Variants in CTNNA2 observed in about 807,000 individuals in gnomAD.
The protein encoded by CTNNA2 is catenin alpha 2, also known as catenin alpha-2.
A neutral mutation model predicts 101.0 loss-of-function variants in CTNNA2; 42 were observed. That is an observed-to-expected ratio of 0.42 (90% CI 0.32 to 0.54). The LOEUF (loss-of-function observed/expected upper bound fraction) is 0.54. Ranked by LOEUF, CTNNA2 falls within the 20% of genes least tolerant of loss-of-function variation. CTNNA2 has a pLI of 0.14. For missense variants in CTNNA2, 871 were observed against 1,223.1 expected, an observed-to-expected ratio of 0.71 and a Z score of 4.29; for synonymous variants, 450 against 456.4, an observed-to-expected ratio of 0.99 and a Z score of 0.18.
chr2:80,266,303 G>A (rs1672996640), intron 7 of CTNNA2, among the ~76,000 whole-genome samples: 1 of 152,234 alleles, frequency 6.6e-6, no homozygotes, highest in South Asian at 2.1e-4. Context: ...GAGGCTGGGT[G>A]GGCACACAGA....
intron 7 of CTNNA2, among the ~76,000 whole-genome samples, chr2:80,030,273 T>C (rs1196219653): frequency 1.3e-5 from 2 of 151,902 alleles, no homozygotes; most frequent in Non-Finnish European, 2.9e-5. Flanking sequence ...AACTGCTAAG[T>C]GTCTCTTAGA....
At chr2:80,029,677 T>G (rs536315917) in intron 7 of CTNNA2, among the ~76,000 whole-genome samples, 1 of 143,826 alleles carries the variant, frequency 7.0e-6, no homozygotes, top group African/African-American at 2.6e-5. Flanking sequence ...ATTCACAAAC[T>G]AAGATTTGTT....
chr2:79,689,461 C>T (rs929127590), intron 2 of CTNNA2, among the ~76,000 whole-genome samples: 2 of 151,958 alleles, frequency 1.3e-5, no homozygotes, highest in Non-Finnish European at 2.9e-5. Flanking sequence ...CATTAAGATG[C>T]CATGTTCCTT....
At chr2:80,520,069 C>A (rs1157628324) in intron 9 of CTNNA2, among the ~76,000 whole-genome samples, 1 of 152,104 alleles carries the variant, frequency 6.6e-6, no homozygotes, top group Non-Finnish European at 1.5e-5. Context: ...CCCTGTGTTT[C>A]CCTGATTTCC....
chr2:79,663,280 G>A (rs1025916702), intron 2 of CTNNA2, among the ~76,000 whole-genome samples: 1 of 152,060 alleles, frequency 6.6e-6, no homozygotes, highest in Non-Finnish European at 1.5e-5. Context: ...TCTCTATTCG[G>A]CAACCAGAGT....
intron 7 of CTNNA2, among the ~76,000 whole-genome samples, chr2:80,354,425 A>G (rs1673590603): frequency 6.6e-6 from 1 of 152,138 alleles, no homozygotes; most frequent in Non-Finnish European, 1.5e-5. Context: ...ACTAGAAAAG[A>G]GCATGAGTCA....
intron 1 of CTNNA2, among the ~76,000 whole-genome samples, chr2:79,531,874 G>T (rs187227177): frequency 2.6e-5 from 4 of 152,182 alleles, no homozygotes; most frequent in Non-Finnish European, 4.4e-5. Context: ...CAGAGACGGG[G>T]TTTCACCATG....
chr2:80,266,368 G>A (rs1001296300), intron 7 of CTNNA2, among the ~76,000 whole-genome samples: 1 of 152,236 alleles, frequency 6.6e-6, no homozygotes, highest in Middle Eastern at 3.2e-3. Flanking sequence ...AGAGTCCTAT[G>A]TAGAGCACCA....
chr2:79,650,069 C>T (rs4146025), intron 1 of CTNNA2, among the ~76,000 whole-genome samples: 7,840 of 149,512 alleles, frequency 0.052, 313 homozygotes, highest in East Asian at 0.21. Context: ...CATTCAGATT[C>T]GGTTTGTACA....
intron 18 of CTNNA2, among the ~76,000 whole-genome samples, chr2:80,642,376 G>GTTTGTGTCTATTTTTCTCATTGTAT (rs1673586785): frequency 6.6e-6 from 1 of 152,212 alleles, no homozygotes. Flanking sequence ...AAAACCTTTA[G>GTTTGTGTCTATTTTTCTCATTGTAT]TTTGTGTCTA....
chr2:79,526,755 G>A (rs1238822437), intron 1 of CTNNA2, among the ~76,000 whole-genome samples: 1 of 152,108 alleles, frequency 6.6e-6, no homozygotes, highest in Non-Finnish European at 1.5e-5. Context: ...AAATGGTGCT[G>A]AGACAACTGA....
chr2:80,529,009 C>A (rs1690287104), intron 9 of CTNNA2, among the ~76,000 whole-genome samples: 1 of 152,118 alleles, frequency 6.6e-6, no homozygotes, highest in Admixed American at 6.5e-5. Context: ...AAGAACACAA[C>A]CAGAAAGGAA....
At chr2:80,012,167 C>T (rs187918326) in intron 7 of CTNNA2, among the ~76,000 whole-genome samples, 10 of 152,146 alleles carry the variant, frequency 6.6e-5, no homozygotes, top group East Asian at 5.8e-4. Flanking sequence ...TCATTGCCTA[C>T]GACGGTGCCA....
At chr2:79,981,791 T>G (rs1296080509) in intron 7 of CTNNA2, among the ~76,000 whole-genome samples, 1 of 152,118 alleles carries the variant, frequency 6.6e-6, no homozygotes, top group Non-Finnish European at 1.5e-5. Context: ...GATTTTTAAG[T>G]GTAAATACCT....
intron 2 of CTNNA2, among the ~76,000 whole-genome samples, chr2:79,198,859 T>C (rs1166487423): frequency 7.2e-6 from 1 of 139,070 alleles, no homozygotes; most frequent in African/African-American, 2.6e-5. Flanking sequence ...TACAGAGATA[T>C]AAAAAGATTA....
At chr2:80,106,582 CTAGTCTCTTACT>C (rs1700903428) in intron 7 of CTNNA2, among the ~76,000 whole-genome samples, 2 of 152,276 alleles carry the variant, frequency 1.3e-5, no homozygotes, top group Admixed American at 1.3e-4. Context: ...TAGCTCTTTC[CTAGTCTCTTACT>C]ATCCTCGTTC....
At chr2:80,378,251 G>T (rs1223562056) in intron 7 of CTNNA2, among the ~76,000 whole-genome samples, 5 of 152,056 alleles carry the variant, frequency 3.3e-5, no homozygotes, top group African/African-American at 1.2e-4. Context: ...AGCTACTTGG[G>T]AGGCTGAGGC....
intron 13 of CTNNA2, among the ~76,000 whole-genome samples, chr2:80,578,733 T>A (rs62150758): frequency 0.11 from 16,326 of 152,212 alleles, 1,936 homozygotes; most frequent in African/African-American, 0.29. Flanking sequence ...CATCACTTGC[T>A]AGGTGTGATG....
chr2:79,685,468 A>G (rs1452395716), intron 2 of CTNNA2, among the ~76,000 whole-genome samples: 2 of 152,170 alleles, frequency 1.3e-5, no homozygotes, highest in Non-Finnish European at 2.9e-5. Flanking sequence ...GTCTGAAGTG[A>G]AGCATATAGG....
Sources: gnomAD v4.1 joint callset for allele counts (sites outside exome capture counted in the v4.1 genomes callset) on GRCh38, gnomAD v4.1.1 for gene constraint, MANE v1.5 for transcripts, NCBI Gene and HGNC (gene_info 2026-07-23, HGNC 2026-07-21) for gene names.